The following CR1L variants were observed in gnomAD, a reference collection of about 807,000 sequenced individuals.
CR1L encodes the protein complement C3b/C4b receptor 1 like, also known as complement component receptor 1-like protein.
Under a neutral mutation model 62.3 loss-of-function variants are expected in CR1L, and 59 were observed. The observed-to-expected ratio is 0.95, with a 90% CI of 0.77 to 1.18. CR1L has a LOEUF of 1.18. CR1L is among the 50% of genes most tolerant of loss of function. CR1L has a pLI of 0.00. For missense variants in CR1L, 700 were observed against 702.8 expected (o/e 1.00, Z 0.04); for synonymous variants, 279 against 248.7 (o/e 1.12, Z -1.15).
chr1:207,723,695 C>A lies in CR1L; in HGVS notation c.*10C>A. ...ATTCTGTCATCTTTAACAGTAAGTA[C>A]CTACTTATAATGAATGCAATGTAGA... On this transcript the variant is annotated 3_prime_UTR_variant, in exon 12 of 12. Coordinates refer to ENST00000508064, the MANE Select transcript of CR1L (RefSeq NM_175710.2). 1 of 1,535,108 alleles carries A rather than the reference C, an allele frequency of 6.5e-7. No individual in the cohort carries two copies. The highest frequency in any genetic ancestry group is 1.4e-5 in the African/African-American group (1 of 73,606).
intron 10 of CR1L, among the ~76,000 whole-genome samples, chr1:207,713,339 A>G (rs2104303): frequency 0.64 from 97,897 of 152,176 alleles, 32,922 homozygotes; most frequent in East Asian, 0.87. Flanking sequence ...CCAGTCAATA[A>G]TGGAATCTGT....
chr1:207,686,745 G>A (rs1449148287), intron 4 of CR1L, among the ~76,000 whole-genome samples: 1 of 152,158 alleles, frequency 6.6e-6, no homozygotes, highest in African/African-American at 2.4e-5. Flanking sequence ...CGGTCTGAAT[G>A]TTTGAGTCCA....
chr1:207,701,554 G>A lies in CR1L; in HGVS notation c.1264G>A (p.Gly422Ser). 6.2e-7 allele frequency: 1 copy of A among 1,613,826 alleles called. No individual in the cohort carries two copies. ...TGAAACTCCTCCAGTTCCAGTGAAT[G>A]GCATGGTGCATGTGATCACAGACAT... ...SCETPPVPVN[G>S]MVHVITDIHV... The change falls in exon 9 of 12, where the codon GGC (glycine) becomes AGC (serine). Residue 422 changes from glycine to serine, a missense_variant. Coordinates refer to ENST00000508064, the MANE Select transcript of CR1L (RefSeq NM_175710.2).
At chr1:207,645,389 T>C (rs998628571) in intron 1 of CR1L, 59 bp downstream of exon 1, 20 of 1,581,222 alleles carry the variant, frequency 1.3e-5, no homozygotes, top group Non-Finnish European at 1.7e-5. Context: ...GCTCAGTCAG[T>C]CGGGCAGGAG....
chr1:207,700,006 G>C (rs1664166934), intron 8 of CR1L, among the ~76,000 whole-genome samples: 1 of 152,146 alleles, frequency 6.6e-6, no homozygotes, highest in South Asian at 2.1e-4. Context: ...AATTTATGCT[G>C]AGAGATTCAT....
intron 10 of CR1L, among the ~76,000 whole-genome samples, chr1:207,710,138 G>A (rs900181665): frequency 3.9e-5 from 6 of 152,192 alleles, no homozygotes; most frequent in African/African-American, 1.2e-4. Context: ...GAGGCCAGGA[G>A]TTCAAGACCA....
intron 5 of CR1L, among the ~76,000 whole-genome samples, chr1:207,696,095 G>A (rs1664097727): frequency 6.6e-6 from 1 of 152,176 alleles, no homozygotes; most frequent in African/African-American, 2.4e-5. Flanking sequence ...AGAGATCAGG[G>A]AGCTGCTGTG....
chr1:207,699,292 C>A lies in CR1L; in HGVS notation c.1228+18C>A. 1 of 1,613,170 alleles carries A rather than the reference C, an allele frequency of 6.2e-7. No homozygotes were observed. Among genetic ancestry groups the A allele is most frequent in the Non-Finnish European group, 8.5e-7 (1 of 1,179,178 alleles). ...GTGTGAACGTAAGTAATAGGAGTAA[C>A]ATTTCAGGCCAATCTCTCCCCTTCA... On this transcript the variant is annotated intron_variant, in intron 8 of 11. Coordinates refer to ENST00000508064, the MANE Select transcript of CR1L (RefSeq NM_175710.2).
chr1:207,704,975 G>T (rs1664246697), intron 9 of CR1L, among the ~76,000 whole-genome samples: 1 of 152,176 alleles, frequency 6.6e-6, no homozygotes, highest in Non-Finnish European at 1.5e-5. Flanking sequence ...TCTATAGACT[G>T]GAAGTCCAAA....
chr1:207,688,368 G>A (rs1663944897), intron 4 of CR1L, among the ~76,000 whole-genome samples: 1 of 152,058 alleles, frequency 6.6e-6, no homozygotes, highest in Admixed American at 6.5e-5. Context: ...TTCCAGGGAG[G>A]TTCTGTTCCA....
At chr1:207,695,302 A>AT (rs528664024) in intron 5 of CR1L, among the ~76,000 whole-genome samples, 12 of 151,702 alleles carry the variant, frequency 7.9e-5, no homozygotes, top group South Asian at 6.3e-4. Flanking sequence ...AATTTTTTAT[A>AT]TTTTTTTTAT....
At chr1:207,679,222 C>T (rs1230009669) in intron 3 of CR1L, among the ~76,000 whole-genome samples, 1 of 133,118 alleles carries the variant, frequency 7.5e-6, no homozygotes, top group African/African-American at 2.9e-5. Context: ...CCAGGATGGT[C>T]TCGATCTCCT....
chr1:207,682,602 G>A, intron 3 of CR1L, among the ~76,000 whole-genome samples: 1 of 152,114 alleles, frequency 6.6e-6, no homozygotes, highest in Non-Finnish European at 1.5e-5. Flanking sequence ...TCTCCATTTG[G>A]CACTGTTTCG....
intron 1 of CR1L, among the ~76,000 whole-genome samples, chr1:207,663,509 G>A (rs564877646): frequency 5.9e-5 from 9 of 152,330 alleles, no homozygotes; most frequent in African/African-American, 1.9e-4. Context: ...GTATTAGGGT[G>A]GGAGTGACCC....
At chr1:207,656,471 G>T (rs373341925) in intron 1 of CR1L, among the ~76,000 whole-genome samples, 1 of 152,142 alleles carries the variant, frequency 6.6e-6, no homozygotes, top group Non-Finnish European at 1.5e-5. Flanking sequence ...AAATATAGGC[G>T]TATTAGGCCG....
At chr1:207,679,151 C>T (rs902349863) in intron 3 of CR1L, among the ~76,000 whole-genome samples, 3 of 139,004 alleles carry the variant, frequency 2.2e-5, no homozygotes, top group African/African-American at 8.2e-5. Context: ...GTGCCCACCA[C>T]CATTTTTTTT....
rs753893635 is a variant in CR1L at position 207,645,352 on chromosome 1, G to A, written c.97+22G>A. ...TCCGGTAGGACCCCGGGGTGGATTCGCGCGTCCGCGGCGAGGCTAGAGCTC... is the reference window on the plus strand; with the variant it reads ...TCCGGTAGGACCCCGGGGTGGATTCACGCGTCCGCGGCGAGGCTAGAGCTC... On this transcript the variant is annotated intron_variant, in intron 1 of 11. Transcript: ENST00000508064. 3.1e-6 allele frequency: 5 copies of A among 1,612,810 alleles called. No homozygotes were observed. In the Admixed American group the frequency reaches 5.0e-5, roughly 16 times the overall value.
At chr1:207,702,539 A>G (rs1664210279) in intron 9 of CR1L, among the ~76,000 whole-genome samples, 1 of 152,264 alleles carries the variant, frequency 6.6e-6, no homozygotes, top group African/African-American at 2.4e-5. Context: ...GTCAGGCCTC[A>G]TGTGCCAAAC....
intron 1 of CR1L, among the ~76,000 whole-genome samples, chr1:207,647,519 T>C (rs1377238615): frequency 1.3e-5 from 2 of 152,226 alleles, no homozygotes; most frequent in Non-Finnish European, 2.9e-5. Flanking sequence ...AATGCAGGAA[T>C]CTTCTGTCTT....
Sources: gnomAD v4.1 joint callset for allele counts (sites outside exome capture counted in the v4.1 genomes callset) on GRCh38, gnomAD v4.1.1 for gene constraint, MANE v1.5 for transcripts, NCBI Gene and HGNC (gene_info 2026-07-23, HGNC 2026-07-21) for gene names.